THRB: variants seen among roughly 807,000 people sequenced by gnomAD.
THRB encodes the protein thyroid hormone receptor beta.
Under a neutral mutation model 47.8 loss-of-function variants are expected in THRB, and 12 were observed. The ratio of observed to expected loss-of-function variants is 0.25; its 90% CI spans 0.16 to 0.41. The LOEUF (loss-of-function observed/expected upper bound fraction) is 0.41, where lower values mean the gene tolerates loss of function less well. Among genes scored for constraint, THRB ranks in the 10% least tolerant of loss-of-function variants. The pLI, the probability that THRB is intolerant of heterozygous loss-of-function variation, is 1.00. For missense variants in THRB, 348 were observed against 589.2 expected (o/e 0.59, Z 4.24); for synonymous variants, 218 against 212.2 (o/e 1.03, Z -0.24).
intron 8 of THRB, among the ~76,000 whole-genome samples, chr3:24,135,569 G>A (rs1280028971): frequency 1.3e-5 from 2 of 152,066 alleles, no homozygotes; most frequent in African/African-American, 4.8e-5. Flanking sequence ...CAGAATTGAT[G>A]AAATAATCAC....
intron 1 of THRB, among the ~76,000 whole-genome samples, chr3:24,424,835 C>T (rs2069603070): frequency 6.6e-6 from 1 of 151,878 alleles, no homozygotes; most frequent in Admixed American, 6.6e-5. Context: ...TCCTACTTTG[C>T]AATGTTATTA....
intron 6 of THRB, among the ~76,000 whole-genome samples, chr3:24,149,228 G>C (rs2036539308): frequency 1.3e-5 from 2 of 152,184 alleles, no homozygotes; most frequent in Admixed American, 1.3e-4. Flanking sequence ...GGGAGGGGTA[G>C]GGTAGCACGC....
chr3:24,274,845 A>T (rs1183270128), intron 3 of THRB, among the ~76,000 whole-genome samples: 2 of 152,106 alleles, frequency 1.3e-5, no homozygotes, highest in Non-Finnish European at 2.9e-5. Context: ...TATCACATAT[A>T]TTATTTGCCT....
At chr3:24,429,852 C>T (rs1002032635) in intron 1 of THRB, among the ~76,000 whole-genome samples, 1 of 151,902 alleles carries the variant, frequency 6.6e-6, no homozygotes, top group Non-Finnish European at 1.5e-5. Flanking sequence ...AAGTACTGCA[C>T]TGAATATCCA....
chr3:24,153,110 C>T (rs548336835), intron 5 of THRB, among the ~76,000 whole-genome samples: 1 of 152,212 alleles, frequency 6.6e-6, no homozygotes, highest in African/African-American at 2.4e-5. Flanking sequence ...TTCTAGATAA[C>T]ACAATCTATT....
chr3:24,280,492 C>A (rs1207457273), intron 3 of THRB, among the ~76,000 whole-genome samples: 1 of 152,144 alleles, frequency 6.6e-6, no homozygotes, highest in African/African-American at 2.4e-5. Flanking sequence ...GGGGAAAAAA[C>A]AGAGCAGAAA....
At chr3:24,444,603 AGTTTT>A (rs1358758910) in intron 1 of THRB, among the ~76,000 whole-genome samples, 58 of 152,270 alleles carry the variant, frequency 3.8e-4, no homozygotes, top group African/African-American at 1.3e-3. Context: ...AAGTACAACA[AGTTTT>A]GTTTTGTTTT....
chr3:24,355,782 T>G (rs1408461807), intron 1 of THRB, among the ~76,000 whole-genome samples: 1 of 152,130 alleles, frequency 6.6e-6, no homozygotes, highest in Non-Finnish European at 1.5e-5. Flanking sequence ...TAAAAACACA[T>G]GGCAGGGTCA....
intron 1 of THRB, among the ~76,000 whole-genome samples, chr3:24,481,229 G>GTTTTTTTTTTTTTTTTTTTTTTTTTTTT (rs746323691): frequency 1.8e-4 from 10 of 55,368 alleles, no homozygotes; most frequent in African/African-American, 7.6e-4. Context: ...GTTTCTTTCT[G>GTTTTTTTTTTTTTTTTTTTTTTTTTTTT]TTTTTTTTTT....
chr3:24,464,396 T>C (rs1359048732), intron 1 of THRB, among the ~76,000 whole-genome samples: 2 of 152,264 alleles, frequency 1.3e-5, no homozygotes, highest in Non-Finnish European at 2.9e-5. Context: ...TTCTAAGATC[T>C]TGACTTAATA....
chr3:24,362,761 T>C (rs1456081617), intron 1 of THRB, among the ~76,000 whole-genome samples: 1 of 152,200 alleles, frequency 6.6e-6, no homozygotes, highest in African/African-American at 2.4e-5. Context: ...TATCCTGCTT[T>C]AACAAGTATT....
chr3:24,454,602 G>A (rs745601936), intron 1 of THRB, among the ~76,000 whole-genome samples: 4 of 152,180 alleles, frequency 2.6e-5, no homozygotes, highest in Non-Finnish European at 5.9e-5. Flanking sequence ...TACAAGGCAG[G>A]TGTGGCTTAA....
intron 2 of THRB, among the ~76,000 whole-genome samples, chr3:24,337,048 G>C (rs1315173362): frequency 1.3e-5 from 2 of 152,166 alleles, no homozygotes; most frequent in Non-Finnish European, 2.9e-5. Flanking sequence ...GGCATAACAA[G>C]TGAAAATGGG....
chr3:24,479,633 C>A (rs1279581318), intron 1 of THRB, among the ~76,000 whole-genome samples: 1 of 152,152 alleles, frequency 6.6e-6, no homozygotes, highest in Non-Finnish European at 1.5e-5. Context: ...TTTAGTAGAT[C>A]CCAAATCAAA....
chr3:24,249,759 A>G (rs545034305), intron 3 of THRB, among the ~76,000 whole-genome samples: 1 of 152,180 alleles, frequency 6.6e-6, no homozygotes, highest in Admixed American at 6.5e-5. Flanking sequence ...AAGGAGTGGC[A>G]TGTTTGGACA....
At chr3:24,171,458 C>T (rs1309201221) in intron 5 of THRB, among the ~76,000 whole-genome samples, 1 of 152,068 alleles carries the variant, frequency 6.6e-6, no homozygotes, top group Non-Finnish European at 1.5e-5. Flanking sequence ...TCTTAGGATC[C>T]TAGGATATTA....
chr3:24,305,737 T>C (rs2057290836), intron 2 of THRB, among the ~76,000 whole-genome samples: 1 of 152,232 alleles, frequency 6.6e-6, no homozygotes. Flanking sequence ...CATTTCCCTC[T>C]GTATCTACCA....
At chr3:24,375,721 C>T (rs75322556) in intron 1 of THRB, among the ~76,000 whole-genome samples, 3 of 151,950 alleles carry the variant, frequency 2.0e-5, no homozygotes, top group East Asian at 1.9e-4. Context: ...TGAAAAGTTG[C>T]TATTTTTACC....
intron 1 of THRB, among the ~76,000 whole-genome samples, chr3:24,367,502 GTCTAGTAAGCT>G (rs2064560648): frequency 6.6e-6 from 1 of 152,168 alleles, no homozygotes. Flanking sequence ...TTACTGCACA[GTCTAGTAAGCT>G]AGCCTTTGGG....
Sources: allele counts gnomAD v4.1 joint callset (sites outside exome capture counted in the v4.1 genomes callset), GRCh38; gene constraint gnomAD v4.1.1; transcripts MANE v1.5; gene names NCBI Gene and HGNC (gene_info 2026-07-23, HGNC 2026-07-21).